Variants in UVRAG observed in about 807,000 individuals in gnomAD.
UVRAG encodes the protein UV radiation resistance associated.
Under a neutral mutation model 78.0 loss-of-function variants are expected in UVRAG, and 19 were observed. The observed-to-expected ratio is 0.24, with a 90% CI of 0.17 to 0.36. The LOEUF is 0.36. UVRAG is among the 10% of genes least tolerant of loss of function. The pLI, the probability that UVRAG is intolerant of heterozygous loss-of-function variation, is 1.00. For missense variants in UVRAG, 740 were observed against 853.8 expected, an observed-to-expected ratio of 0.87 and a Z score of 1.66; for synonymous variants, 323 against 324.6, an observed-to-expected ratio of 1.00 and a Z score of 0.05.
intron 6 of UVRAG, among the ~76,000 whole-genome samples, chr11:75,933,948 C>T (rs763285593): frequency 6.6e-6 from 1 of 152,058 alleles, no homozygotes; most frequent in Non-Finnish European, 1.5e-5. Flanking sequence ...TTGGAGGTTC[C>T]TCAAAAAAAC....
chr11:75,898,644 G>A (rs1420476939), intron 5 of UVRAG, among the ~76,000 whole-genome samples: 1 of 152,174 alleles, frequency 6.6e-6, no homozygotes, highest in Non-Finnish European at 1.5e-5. Context: ...AAGAGGTGAT[G>A]TGATAGAAGA....
At chr11:76,032,154 G>T (rs1340635236) in intron 12 of UVRAG, among the ~76,000 whole-genome samples, 1 of 152,158 alleles carries the variant, frequency 6.6e-6, no homozygotes, top group Non-Finnish European at 1.5e-5. Context: ...TTAGGTAGAT[G>T]TGAAATTATT....
At chr11:75,870,891 C>T (rs1293422508) in intron 3 of UVRAG, among the ~76,000 whole-genome samples, 9 of 150,970 alleles carry the variant, frequency 6.0e-5, no homozygotes, top group African/African-American at 2.0e-4. Context: ...TTTTTTGATA[C>T]GGAGTTTCAC....
At chr11:76,073,575 T>C (rs1951353956) in intron 13 of UVRAG, among the ~76,000 whole-genome samples, 1 of 152,204 alleles carries the variant, frequency 6.6e-6, no homozygotes, top group South Asian at 2.1e-4. Flanking sequence ...TAGTTTATAA[T>C]GGAATGTGTC....
At chr11:75,950,327 A>T (rs1284117120) in intron 6 of UVRAG, among the ~76,000 whole-genome samples, 2 of 152,204 alleles carry the variant, frequency 1.3e-5, no homozygotes, top group East Asian at 3.9e-4. Flanking sequence ...TAGTGCAGTC[A>T]TAGCTCACTG....
intron 12 of UVRAG, among the ~76,000 whole-genome samples, chr11:76,025,064 C>A (rs1168538604): frequency 6.6e-6 from 1 of 152,162 alleles, no homozygotes; most frequent in African/African-American, 2.4e-5. Context: ...AGACCGATTT[C>A]TTTTCTTTGT....
chr11:75,933,896 T>C (rs1948299776), intron 6 of UVRAG, among the ~76,000 whole-genome samples: 1 of 152,200 alleles, frequency 6.6e-6, no homozygotes, highest in African/African-American at 2.4e-5. Context: ...TTGTACACTG[T>C]TAGTGGAAAT....
chr11:75,850,706 A>T (rs1439244530), intron 1 of UVRAG, among the ~76,000 whole-genome samples: 4 of 152,242 alleles, frequency 2.6e-5, no homozygotes, highest in Non-Finnish European at 5.9e-5. Context: ...AGTGTGTAGC[A>T]GGAGAAAATT....
chr11:76,102,218 G>C (rs1463385582), intron 13 of UVRAG, among the ~76,000 whole-genome samples: 1 of 152,142 alleles, frequency 6.6e-6, no homozygotes, highest in Non-Finnish European at 1.5e-5. Context: ...CATGAGCATG[G>C]AATATTTCTC....
intron 6 of UVRAG, among the ~76,000 whole-genome samples, chr11:75,918,379 G>GAA (rs35021766): frequency 8.8e-5 from 10 of 113,614 alleles, no homozygotes; most frequent in African/African-American, 1.3e-4. Flanking sequence ...CTCCGTCTCA[G>GAA]AAAAAAAAAA....
chr11:75,827,837 A>C (rs1945550274), intron 1 of UVRAG, among the ~76,000 whole-genome samples: 1 of 152,322 alleles, frequency 6.6e-6, no homozygotes, highest in East Asian at 1.9e-4. Context: ...CTAATCCAGA[A>C]AACTAAACTT....
chr11:75,877,612 AC>A (rs528561227), intron 3 of UVRAG, among the ~76,000 whole-genome samples: 1 of 112,114 alleles, frequency 8.9e-6, no homozygotes, highest in South Asian at 3.2e-4. Flanking sequence ...CGGGGGGCTG[AC>A]CCCCCCACCT....
intron 4 of UVRAG, among the ~76,000 whole-genome samples, chr11:75,884,359 A>G (rs1484712024): frequency 1.3e-5 from 2 of 151,946 alleles, no homozygotes; most frequent in Non-Finnish European, 2.9e-5. Context: ...CCTTTATAAG[A>G]TATGTATTTT....
chr11:76,077,379 A>T (rs958302097), intron 13 of UVRAG, among the ~76,000 whole-genome samples: 1 of 152,070 alleles, frequency 6.6e-6, no homozygotes, highest in African/African-American at 2.4e-5. Context: ...AATGTGCTAG[A>T]CATTTTTAAT....
At chr11:75,883,825 T>G (rs1280155671) in intron 4 of UVRAG, among the ~76,000 whole-genome samples, 1 of 152,184 alleles carries the variant, frequency 6.6e-6, no homozygotes. Context: ...TGTCATAAAA[T>G]CCACCCTTTT....
intron 14 of UVRAG, among the ~76,000 whole-genome samples, chr11:76,124,919 C>G (rs1206281445): frequency 6.6e-6 from 1 of 152,176 alleles, no homozygotes; most frequent in Non-Finnish European, 1.5e-5. Flanking sequence ...ATCTACTTTC[C>G]TTAAAATTGA....
intron 13 of UVRAG, among the ~76,000 whole-genome samples, chr11:76,079,220 A>C (rs114220341): frequency 0.018 from 2,715 of 152,282 alleles, 80 homozygotes; most frequent in African/African-American, 0.062. Context: ...GCAGTGGCTC[A>C]AGCCTGTAAT....
At position 75,816,193 on chromosome 11, in the gene UVRAG, A is replaced by G. The variant is rs1035059623; in HGVS notation, c.117+669A>G. On this transcript the variant is annotated intron_variant, in intron 1 of 14. Transcript: ENST00000356136. Reference sequence around the variant, plus strand: ...TCTCTGTGGAAGGAGGATTTGATGTATATATTCATGTGTTCCTCCATCCTT... The same window carrying G: ...TCTCTGTGGAAGGAGGATTTGATGTGTATATTCATGTGTTCCTCCATCCTT... 4.6e-5 allele frequency among the ~76,000 whole-genome samples: 7 copies of G among 152,100 alleles called. No homozygotes were observed. The East Asian group carries it at 7.7e-4, about 17-fold the overall frequency.
intron 5 of UVRAG, among the ~76,000 whole-genome samples, chr11:75,898,287 G>A (rs575346526): frequency 3.3e-5 from 5 of 152,310 alleles, no homozygotes; most frequent in Admixed American, 3.3e-4. Flanking sequence ...GAGTCACAGA[G>A]GGGCAAAGTG....
Sources: gnomAD v4.1 joint callset for allele counts (sites outside exome capture counted in the v4.1 genomes callset) on GRCh38, gnomAD v4.1.1 for gene constraint, MANE v1.5 for transcripts, NCBI Gene and HGNC (gene_info 2026-07-23, HGNC 2026-07-21) for gene names.